SNX18: variants seen among roughly 807,000 people sequenced by gnomAD.
SNX18 encodes sorting nexin-18.
SNX18 carries 35 observed loss-of-function variants against 48.7 expected under a neutral mutation model. The ratio of observed to expected loss-of-function variants is 0.72; its 90% confidence interval spans 0.55 to 0.95. The LOEUF is 0.95. Ranked by LOEUF, SNX18 falls within the 40% of genes least tolerant of loss-of-function variation. The probability of loss-of-function intolerance (pLI) is 0.00; values close to 1 mark genes in which losing one functional copy is unlikely to be tolerated. For missense variants in SNX18, 824 were observed against 871.0 expected (o/e 0.95, Z 0.68); for synonymous variants, 492 against 384.7 (o/e 1.28, Z -3.26).
the SNX18 span, among the ~76,000 whole-genome samples, chr5:54,610,606 C>T: frequency 6.6e-6 from 1 of 152,150 alleles, no homozygotes. Context: ...GGCAAATAAC[C>T]AAAGAGATTA....
At chr5:54,563,506 A>G in the SNX18 span, among the ~76,000 whole-genome samples, 2 of 152,248 alleles carry the variant, frequency 1.3e-5, no homozygotes, top group African/African-American at 2.4e-5. Flanking sequence ...CATATAGCCT[A>G]GGTGTGCAGT....
At chr5:54,632,906 C>G in the SNX18 span, among the ~76,000 whole-genome samples, 1 of 152,054 alleles carries the variant, frequency 6.6e-6, no homozygotes, top group Non-Finnish European at 1.5e-5. Context: ...TCCTGAGTAG[C>G]TGGGATTACA....
the SNX18 span, among the ~76,000 whole-genome samples, chr5:54,586,880 C>G: frequency 1.3e-5 from 2 of 152,034 alleles, no homozygotes; most frequent in African/African-American, 4.8e-5. Flanking sequence ...GACTCATGAA[C>G]AGGCATTTGT....
chr5:54,635,561 T>C, the SNX18 span, among the ~76,000 whole-genome samples: 6 of 152,180 alleles, frequency 3.9e-5, no homozygotes, highest in African/African-American at 1.2e-4. Context: ...AGTGACCTCA[T>C]CATGTTGGTC....
the SNX18 span, among the ~76,000 whole-genome samples, chr5:54,629,674 T>C: frequency 7.2e-5 from 11 of 152,220 alleles, no homozygotes; most frequent in Admixed American, 5.2e-4. Context: ...AATTAAAACA[T>C]TGATTAAGTA....
chr5:54,555,659 C>T, the SNX18 span, among the ~76,000 whole-genome samples: 1 of 151,856 alleles, frequency 6.6e-6, no homozygotes, highest in Non-Finnish European at 1.5e-5. Flanking sequence ...AACCCTGTTT[C>T]TACCAAACAA....
At chr5:54,637,797 G>A in the SNX18 span, among the ~76,000 whole-genome samples, 1 of 152,098 alleles carries the variant, frequency 6.6e-6, no homozygotes, top group Non-Finnish European at 1.5e-5. Flanking sequence ...GCCCTCTGGA[G>A]GGGCCATACT....
chr5:54,555,929 A>G, the SNX18 span, among the ~76,000 whole-genome samples: 5 of 152,172 alleles, frequency 3.3e-5, no homozygotes, highest in African/African-American at 9.7e-5. Flanking sequence ...TACATTTGCT[A>G]TACATTTATA....
the SNX18 span, among the ~76,000 whole-genome samples, chr5:54,582,489 T>C: frequency 6.6e-6 from 1 of 152,188 alleles, no homozygotes; most frequent in South Asian, 2.1e-4. Flanking sequence ...CTGGGTGTGG[T>C]GGCTCATGCC....
the SNX18 span, among the ~76,000 whole-genome samples, chr5:54,551,619 C>G: frequency 6.6e-6 from 1 of 152,168 alleles, no homozygotes; most frequent in Non-Finnish European, 1.5e-5. Flanking sequence ...AAGAAGGAAA[C>G]AGGCTTATAG....
intron 1 of SNX18, chr5:54,520,644 GTCTTT>G (rs1561113200): frequency 6.0e-6 from 1 of 167,146 alleles, no homozygotes; most frequent in East Asian, 1.9e-4. Flanking sequence ...TCTCTGGCAT[GTCTTT>G]TCTTGTATTG....
the SNX18 span, among the ~76,000 whole-genome samples, chr5:54,574,417 C>T: frequency 6.6e-6 from 1 of 152,186 alleles, no homozygotes; most frequent in Admixed American, 6.5e-5. Context: ...GCAAAGACCC[C>T]AGCTCCCAAA....
the SNX18 span, among the ~76,000 whole-genome samples, chr5:54,599,985 T>C: frequency 1.3e-5 from 2 of 151,892 alleles, no homozygotes. Context: ...AATTGACAAA[T>C]GGGGTCTAAT....
the SNX18 span, among the ~76,000 whole-genome samples, chr5:54,600,086 A>G: frequency 6.6e-6 from 1 of 152,220 alleles, no homozygotes; most frequent in African/African-American, 2.4e-5. Context: ...TATCCATCCA[A>G]CAAAGGTCTA....
chr5:54,626,879 T>C, the SNX18 span, among the ~76,000 whole-genome samples: 1 of 152,166 alleles, frequency 6.6e-6, no homozygotes. Flanking sequence ...TATAAAGAGG[T>C]CCAAGCTTGA....
At chr5:54,613,197 T>C in the SNX18 span, among the ~76,000 whole-genome samples, 2 of 152,230 alleles carry the variant, frequency 1.3e-5, no homozygotes, top group African/African-American at 4.8e-5. Context: ...GCAAAAACTC[T>C]GCCTATAGGG....
intron 1 of SNX18, chr5:54,520,012 A>G (rs1052806085): frequency 1.0e-5 from 6 of 591,110 alleles, no homozygotes; most frequent in East Asian, 8.5e-5. Context: ...GTAAATAGAA[A>G]TCTGCTTTCA....
chr5:54,540,631 T>G (rs1762450545), intron 1 of SNX18, among the ~76,000 whole-genome samples: 1 of 152,256 alleles, frequency 6.6e-6, no homozygotes, highest in South Asian at 2.1e-4. Context: ...AAGCTGCAAC[T>G]TAGTTGACAA....
chr5:54,522,973 C>G (rs1762060033), intron 1 of SNX18, among the ~76,000 whole-genome samples: 1 of 152,014 alleles, frequency 6.6e-6, no homozygotes, highest in Admixed American at 6.6e-5. Flanking sequence ...TGGAGTTGAG[C>G]GAAGAAAGAC....
Sources: allele counts gnomAD v4.1 joint callset (sites outside exome capture counted in the v4.1 genomes callset), GRCh38; gene constraint gnomAD v4.1.1; transcripts MANE v1.5; gene names NCBI Gene and HGNC (gene_info 2026-07-23, HGNC 2026-07-21).